The following SLC25A21 variants were observed in gnomAD, a reference collection of about 807,000 sequenced individuals.
SLC25A21 encodes mitochondrial 2-oxodicarboxylate carrier.
In SLC25A21, 47 loss-of-function variants were observed where a neutral mutation model predicts 43.8. The observed-to-expected ratio is 1.07, with a 90% CI of 0.85 to 1.37. The LOEUF is 1.37. SLC25A21 is among the 40% of genes most tolerant of loss of function. SLC25A21 has a pLI of 0.00. For synonymous variants in SLC25A21, 131 were observed against 121.3 expected, an observed-to-expected ratio of 1.08 and a Z score of -0.52; for missense variants, 352 against 350.2, an observed-to-expected ratio of 1.00 and a Z score of -0.04.
At chr14:36,682,429 C>G (rs181726584) in intron 9 of SLC25A21, among the ~76,000 whole-genome samples, 1 of 152,118 alleles carries the variant, frequency 6.6e-6, no homozygotes, top group Non-Finnish European at 1.5e-5. Context: ...GGACCTCTCA[C>G]GCAAAACATT....
chr14:36,942,296 T>C (rs1001766523), intron 1 of SLC25A21, among the ~76,000 whole-genome samples: 3 of 152,100 alleles, frequency 2.0e-5, no homozygotes, highest in Admixed American at 1.3e-4. Flanking sequence ...TGAAACAATA[T>C]AAATACACAA....
intron 1 of SLC25A21, among the ~76,000 whole-genome samples, chr14:36,981,699 G>A (rs575795208): frequency 1.3e-5 from 2 of 152,196 alleles, no homozygotes; most frequent in African/African-American, 4.8e-5. Context: ...GGGGTGGGGG[G>A]AAAAGGGAGG....
chr14:36,858,922 CAAAT>C (rs1206795070), intron 2 of SLC25A21, among the ~76,000 whole-genome samples: 3 of 151,870 alleles, frequency 2.0e-5, no homozygotes, highest in Non-Finnish European at 4.4e-5. Flanking sequence ...AAGAGGAAAT[CAAAT>C]AAATAATCGA....
At chr14:37,055,960 T>C (rs952612528) in intron 1 of SLC25A21, among the ~76,000 whole-genome samples, 1 of 152,116 alleles carries the variant, frequency 6.6e-6, no homozygotes, top group African/African-American at 2.4e-5. Flanking sequence ...GACTGGATCA[T>C]CAGGGTGGTT....
At chr14:37,109,307 C>A (rs1962976168) in intron 1 of SLC25A21, among the ~76,000 whole-genome samples, 1 of 151,116 alleles carries the variant, frequency 6.6e-6, no homozygotes, top group African/African-American at 2.4e-5. Flanking sequence ...TAACAACTAA[C>A]CCTGCTTCAT....
intron 5 of SLC25A21, among the ~76,000 whole-genome samples, chr14:36,729,035 T>C (rs955954513): frequency 4.6e-5 from 7 of 152,204 alleles, no homozygotes; most frequent in Admixed American, 3.9e-4. Flanking sequence ...AGCTGAGTTG[T>C]TTACAGTCAT....
chr14:37,115,326 C>T (rs923125251), intron 1 of SLC25A21, among the ~76,000 whole-genome samples: 5 of 152,276 alleles, frequency 3.3e-5, no homozygotes, highest in Middle Eastern at 3.4e-3. Context: ...AGTTCTCCTG[C>T]TCTGCATCAC....
At chr14:36,788,012 CAT>C (rs1887313301) in intron 3 of SLC25A21, among the ~76,000 whole-genome samples, 1 of 152,298 alleles carries the variant, frequency 6.6e-6, no homozygotes, top group South Asian at 2.1e-4. Context: ...TAAACACTAA[CAT>C]AAAGCACATT....
intron 6 of SLC25A21, among the ~76,000 whole-genome samples, chr14:36,720,147 G>A (rs1884318204): frequency 6.6e-6 from 1 of 152,122 alleles, no homozygotes; most frequent in South Asian, 2.1e-4. Context: ...CTCTGCACCT[G>A]GAACTGTAGC....
chr14:36,886,543 C>T (rs2774043), intron 1 of SLC25A21, among the ~76,000 whole-genome samples: 121,166 of 151,736 alleles, frequency 0.8, 49,097 homozygotes, highest in Non-Finnish European at 0.86. Flanking sequence ...TTTTAACTCA[C>T]TGAAGAATTT....
intron 1 of SLC25A21, among the ~76,000 whole-genome samples, chr14:37,167,458 T>C (rs1409642233): frequency 1.3e-5 from 2 of 151,188 alleles, no homozygotes; most frequent in Non-Finnish European, 3.0e-5. Context: ...CTGTCCTTGT[T>C]CATTCCTGGG....
At chr14:36,750,543 A>G (rs150013640) in intron 3 of SLC25A21, among the ~76,000 whole-genome samples, 7 of 152,226 alleles carry the variant, frequency 4.6e-5, no homozygotes, top group African/African-American at 1.7e-4. Flanking sequence ...TGAGCAGATG[A>G]CTTAATTTTA....
intron 1 of SLC25A21, among the ~76,000 whole-genome samples, chr14:37,055,271 G>A (rs1162282284): frequency 6.6e-6 from 1 of 152,206 alleles, no homozygotes; most frequent in African/African-American, 2.4e-5. Flanking sequence ...ATTAGACTCT[G>A]AGCAGATGTC....
chr14:37,013,192 G>A (rs1960770241), intron 1 of SLC25A21, among the ~76,000 whole-genome samples: 1 of 152,162 alleles, frequency 6.6e-6, no homozygotes, highest in Admixed American at 6.6e-5. Flanking sequence ...TTCTCCCACT[G>A]AAATCTGAGA....
chr14:37,132,187 C>T (rs1229893593), intron 1 of SLC25A21, among the ~76,000 whole-genome samples: 2 of 152,140 alleles, frequency 1.3e-5, no homozygotes, highest in Non-Finnish European at 2.9e-5. Context: ...ACGCAAATGC[C>T]ATTAATCCAT....
At chr14:37,142,134 C>T (rs1383602143) in intron 1 of SLC25A21, among the ~76,000 whole-genome samples, 1 of 152,148 alleles carries the variant, frequency 6.6e-6, no homozygotes, top group African/African-American at 2.4e-5. Context: ...AAACAGCAGG[C>T]TAAGCATTTT....
chr14:37,084,556 T>G (rs1246461550), intron 1 of SLC25A21, among the ~76,000 whole-genome samples: 1 of 152,246 alleles, frequency 6.6e-6, no homozygotes, highest in Non-Finnish European at 1.5e-5. Flanking sequence ...AAAACATGTT[T>G]TTCTACCAAA....
At chr14:36,928,119 T>C (rs1391137990) in intron 1 of SLC25A21, among the ~76,000 whole-genome samples, 1 of 152,170 alleles carries the variant, frequency 6.6e-6, no homozygotes, top group Non-Finnish European at 1.5e-5. Context: ...GCATCTGGCC[T>C]CTCCCGCGAA....
intron 1 of SLC25A21, among the ~76,000 whole-genome samples, chr14:37,055,346 G>C (rs1961797499): frequency 6.6e-6 from 1 of 152,204 alleles, no homozygotes; most frequent in African/African-American, 2.4e-5. Flanking sequence ...TGGCAGAAAT[G>C]TAAATGCTTT....
Sources: allele counts gnomAD v4.1 joint callset (sites outside exome capture counted in the v4.1 genomes callset), GRCh38; gene constraint gnomAD v4.1.1; transcripts MANE v1.5; gene names NCBI Gene and HGNC (gene_info 2026-07-23, HGNC 2026-07-21).